HMGCS1: variants seen among roughly 807,000 people sequenced by gnomAD.
HMGCS1 encodes 3-hydroxy-3-methylglutaryl-CoA synthase 1, also known as hydroxymethylglutaryl-CoA synthase, cytoplasmic.
HMGCS1 carries 9 observed loss-of-function variants against 52.3 expected under a neutral mutation model. The ratio of observed to expected loss-of-function variants is 0.17; its 90% CI spans 0.10 to 0.30. HMGCS1 has a LOEUF of 0.30. Among genes scored for constraint, HMGCS1 ranks in the 10% least tolerant of loss-of-function variants. The pLI, the probability that HMGCS1 is intolerant of heterozygous loss-of-function variation, is 1.00. For synonymous variants in HMGCS1, 176 were observed against 214.4 expected (o/e 0.82, Z 1.57); for missense variants, 320 against 620.9 (o/e 0.52, Z 5.15).
rs202200764 is a variant in HMGCS1 at position 43,293,010 on chromosome 5, T to C, written c.1184-37A>G. The C allele has an allele frequency of 8.1e-5, 124 of 1,539,460 alleles. No homozygotes were observed. The African/African-American group carries it at 1.6e-3, about 20-fold the overall frequency. ...AATAATTCAACATTAAAAGATTTTT[T>C]TGAAAAATCATGTCCAAAAGAAGCC... is the stretch of plus-strand genomic sequence containing the variant. On this transcript the variant is annotated intron_variant, in intron 8 of 10. Coordinates refer to ENST00000325110, the MANE Select transcript of HMGCS1 (RefSeq NM_001098272.3).
chr5:43,294,928 C>A (rs1753958122), intron 6 of HMGCS1, 67 bp from the exon 7 acceptor site: 1 of 996,678 alleles, frequency 1.0e-6, no homozygotes, highest in Non-Finnish European at 1.5e-6. Flanking sequence ...AAACAGCAGG[C>A]CTAATTAGGA....
At chr5:43,292,764 T>C (rs1159055456) in intron 9 of HMGCS1, 84 bp downstream of exon 9, 1 of 1,527,794 alleles carries the variant, frequency 6.5e-7, no homozygotes, top group Non-Finnish European at 9.0e-7. Context: ...GAGTAAAGTC[T>C]TGATATCCTT....
rs138346407 is a variant in HMGCS1 at position 43,292,762 on chromosome 5, T to A, written c.1309+86A>T. On this transcript the variant is annotated intron_variant, in intron 9 of 10. Coordinates refer to ENST00000325110, the MANE Select transcript of HMGCS1 (RefSeq NM_001098272.3). Reference sequence around the variant, plus strand: ...GACATCAGATTAGTACTGAGTAAAGTCTTGATATCCTTATCGTATATGTAG... The same window carrying A: ...GACATCAGATTAGTACTGAGTAAAGACTTGATATCCTTATCGTATATGTAG... 92 of 1,526,584 alleles carry A rather than the reference T, an allele frequency of 6.0e-5. 1 individual carries two copies. The African/African-American group carries it at 1.1e-3, about 18-fold the overall frequency. 94.6% of individuals were successfully genotyped at this position (1,526,584 alleles called of 1,614,324 possible).
intron 2 of HMGCS1, among the ~76,000 whole-genome samples, chr5:43,301,958 A>G (rs951698881): frequency 2.0e-5 from 3 of 152,082 alleles, no homozygotes; most frequent in East Asian, 1.9e-4. Context: ...ACTTTGTTCT[A>G]CTCCACTTCT....
At chr5:43,306,090 C>G (rs757446334) in intron 2 of HMGCS1, among the ~76,000 whole-genome samples, 3 of 152,054 alleles carry the variant, frequency 2.0e-5, no homozygotes, top group Non-Finnish European at 4.4e-5. Flanking sequence ...AAAGTAGTAC[C>G]AACAGAGGAC....
intron 7 of HMGCS1, 158 bp downstream of exon 7, chr5:43,294,533 C>T: frequency 1.9e-6 from 1 of 538,284 alleles, no homozygotes; most frequent in South Asian, 2.9e-5. Flanking sequence ...AGCCTCAACC[C>T]ATACATCTTT....
At chr5:43,300,802 G>GAAAAA (rs34564699) in intron 2 of HMGCS1, among the ~76,000 whole-genome samples, 6 of 120,408 alleles carry the variant, frequency 5.0e-5, no homozygotes, top group Non-Finnish European at 7.0e-5. Flanking sequence ...ATAGAGAAAG[G>GAAAAA]AAAAAAAAAA....
chr5:43,299,882 T>C (rs188056995), intron 2 of HMGCS1, among the ~76,000 whole-genome samples: 1 of 152,260 alleles, frequency 6.6e-6, no homozygotes, highest in African/African-American at 2.4e-5. Flanking sequence ...AAAATTACTA[T>C]AGATATTTCA....
chr5:43,290,426 A>G lies in HMGCS1; in HGVS notation c.*705T>C, dbSNP rs1054073921. 2 of 152,212 alleles carry G rather than the reference A, an allele frequency of 1.3e-5. No homozygotes were observed. The highest frequency in any genetic ancestry group is 2.9e-5 in the Non-Finnish European group (2 of 68,060). The allele number at this position is 152,212 out of a possible 1,614,324, so 9.4% of individuals were successfully genotyped here. ...AGCTCCTGAATGTACCATGTTTTCT[A>G]TACCAGAAGCCTCTTCAATGGCAGT... On this transcript the variant is annotated 3_prime_UTR_variant, in exon 11 of 11. Coordinates refer to ENST00000325110, the MANE Select transcript of HMGCS1 (RefSeq NM_001098272.3).
chr5:43,309,608 A>C (rs1754759966), intron 1 of HMGCS1, among the ~76,000 whole-genome samples: 1 of 152,186 alleles, frequency 6.6e-6, no homozygotes, highest in African/African-American at 2.4e-5. Context: ...AGAACAAAGA[A>C]GAAACAAATA....
In HMGCS1 at chr5:43,290,010, C is replaced by A. The variant is rs943504049; in HGVS notation, c.*1121G>T. On this transcript the variant is annotated 3_prime_UTR_variant, in exon 11 of 11. Transcript: ENST00000325110. Reference sequence around the variant, plus strand: ...GTTGTTGTTTTTTAAGGTAAAAGTCCTACTTCAGACCTTGAAGTGGAATAC... The same window carrying A: ...GTTGTTGTTTTTTAAGGTAAAAGTCATACTTCAGACCTTGAAGTGGAATAC... 7 of 151,586 alleles carry A rather than the reference C, an allele frequency of 4.6e-5. No individual in the cohort carries two copies. Among genetic ancestry groups the A allele is most frequent in the African/African-American group, 1.7e-4 (7 of 41,098 alleles). 9.4% of individuals were successfully genotyped at this position (151,586 alleles called of 1,614,324 possible).
chr5:43,301,027 C>T (rs1399713183), intron 2 of HMGCS1, among the ~76,000 whole-genome samples: 1 of 152,014 alleles, frequency 6.6e-6, no homozygotes, highest in African/African-American at 2.4e-5. Flanking sequence ...ACATTGAGAA[C>T]CACATTATAT....
At chr5:43,291,272 G>C (rs1424563430) in intron 10 of HMGCS1, 52 bp from the exon 11 acceptor site, 1 of 1,077,032 alleles carries the variant, frequency 9.3e-7, no homozygotes, top group African/African-American at 1.6e-5. Context: ...TCCCCCACAA[G>C]AATCATGGCA....
chr5:43,296,827 T>C (rs1754053229), intron 5 of HMGCS1, among the ~76,000 whole-genome samples, 175 bp downstream of exon 5: 2 of 152,236 alleles, frequency 1.3e-5, no homozygotes, highest in Non-Finnish European at 2.9e-5. Context: ...TTACCTCTTC[T>C]AGTAAATTAC....
chr5:43,297,490 T>C (rs941010345), intron 4 of HMGCS1, among the ~76,000 whole-genome samples: 2 of 152,192 alleles, frequency 1.3e-5, no homozygotes, highest in Non-Finnish European at 2.9e-5. Context: ...AACCCTACAT[T>C]AACCCACTTC....
In HMGCS1 at chr5:43,290,432, G is replaced by A. The variant is rs1463380983; in HGVS notation, c.*699C>T. On this transcript the variant is annotated 3_prime_UTR_variant, in exon 11 of 11. Coordinates refer to ENST00000325110, the MANE Select transcript of HMGCS1 (RefSeq NM_001098272.3). Reference sequence around the variant, plus strand: ...TGAATGTACCATGTTTTCTATACCAGAAGCCTCTTCAATGGCAGTGTTTCT... The same window carrying A: ...TGAATGTACCATGTTTTCTATACCAAAAGCCTCTTCAATGGCAGTGTTTCT... 1 of 152,154 alleles carries A rather than the reference G, an allele frequency of 6.6e-6. No individual in the cohort carries two copies. Among genetic ancestry groups the A allele is most frequent in the African/African-American group, 2.4e-5 (1 of 41,422 alleles). The allele number at this position is 152,154 out of a possible 1,614,324, so 9.4% of individuals were successfully genotyped here. A position where few individuals can be genotyped will look rare whatever the true frequency, so the allele number is the denominator to read the frequency against.
intron 2 of HMGCS1, among the ~76,000 whole-genome samples, chr5:43,302,095 A>G (rs1754347342): frequency 1.3e-5 from 2 of 152,212 alleles, no homozygotes; most frequent in South Asian, 2.1e-4. Context: ...CGTTCCTGTC[A>G]TTTCACCAAC....
intron 2 of HMGCS1, among the ~76,000 whole-genome samples, chr5:43,300,770 G>C (rs1754274046): frequency 6.7e-6 from 1 of 149,216 alleles, no homozygotes. Flanking sequence ...ACTCCAGCCT[G>C]GGTGATGGTG....
chr5:43,311,356 A>C (rs1309354837), intron 1 of HMGCS1, among the ~76,000 whole-genome samples: 2 of 151,558 alleles, frequency 1.3e-5, no homozygotes, highest in Non-Finnish European at 2.9e-5. Flanking sequence ...TAGTCCTATC[A>C]TTAGGACAGG....
Sources: allele counts gnomAD v4.1 joint callset (sites outside exome capture counted in the v4.1 genomes callset), GRCh38; gene constraint gnomAD v4.1.1; transcripts MANE v1.5; gene names NCBI Gene and HGNC (gene_info 2026-07-23, HGNC 2026-07-21).